RNF6: variants seen among roughly 807,000 people sequenced by gnomAD.
The protein encoded by RNF6 is E3 ubiquitin-protein ligase RNF6.
Under a neutral mutation model 50.1 loss-of-function variants are expected in RNF6, and 21 were observed. That is an observed-to-expected ratio of 0.42 (90% CI 0.30 to 0.60). The LOEUF (loss-of-function observed/expected upper bound fraction) is 0.60. Among genes scored for constraint, RNF6 ranks in the 20% least tolerant of loss-of-function variants. RNF6 has a pLI of 0.20. For missense variants in RNF6, 698 were observed against 838.2 expected, an observed-to-expected ratio of 0.83 and a Z score of 2.07; for synonymous variants, 255 against 291.8, an observed-to-expected ratio of 0.87 and a Z score of 1.29.
In RNF6 at chr13:26,175,409, G is replaced by A. The variant is rs530652276; in HGVS notation, n.768+40065C>T. Among the ~76,000 whole-genome samples the A allele has an allele frequency of 7.6e-4, 116 of 152,166 alleles. 1 individual carries two copies. The highest frequency in any genetic ancestry group is 2.6e-3 in the African/African-American group (109 of 41,540). ...GGTGATTTTTGAGAGGACACCTGAC[G>A]CGAAGAGTAAGAAACTTTCCTCTCC... On this transcript the variant is annotated intron_variant and non_coding_transcript_variant, in intron 5 of 5. Transcript: ENST00000468480.
chr13:26,198,034 T>G (rs1868739857), intron 5 of RNF6, among the ~76,000 whole-genome samples: 1 of 148,028 alleles, frequency 6.8e-6, no homozygotes, highest in African/African-American at 2.5e-5. Flanking sequence ...AATATCAAAA[T>G]TTGTGGATGT....
chr13:26,137,163 T>C (rs542764096), intron 5 of RNF6, among the ~76,000 whole-genome samples: 4 of 152,174 alleles, frequency 2.6e-5, no homozygotes, highest in Admixed American at 6.5e-5. Flanking sequence ...TTAACCTCAC[T>C]AAAGCTTACC....
At chr13:26,211,564 C>T (rs956838381), downstream of RNF6, among the ~76,000 whole-genome samples, 1 of 152,130 alleles carries the variant, frequency 6.6e-6, no homozygotes. Flanking sequence ...CCAGACTAGC[C>T]TGGCCAACAT....
chr13:26,187,735 G>A (rs568235104), intron 5 of RNF6, among the ~76,000 whole-genome samples: 4 of 152,148 alleles, frequency 2.6e-5, no homozygotes, highest in Non-Finnish European at 5.9e-5. Flanking sequence ...TTGATTTTGG[G>A]GGTTTTTTAA....
chr13:26,189,582 G>C (rs926255441), intron 5 of RNF6, among the ~76,000 whole-genome samples: 5 of 152,174 alleles, frequency 3.3e-5, no homozygotes, highest in African/African-American at 1.2e-4. Context: ...AGGAAACTCT[G>C]CCTGTTTTTG....
chr13:26,209,127 G>A (rs1034153894), downstream of RNF6, among the ~76,000 whole-genome samples: 3 of 152,192 alleles, frequency 2.0e-5, no homozygotes, highest in African/African-American at 7.2e-5. Flanking sequence ...TCCCTAGCCT[G>A]CTGTATAGAG....
chr13:26,167,802 T>A (rs1279438143), intron 5 of RNF6, among the ~76,000 whole-genome samples: 1 of 152,182 alleles, frequency 6.6e-6, no homozygotes, highest in Admixed American at 6.5e-5. Flanking sequence ...TCAACCTAAA[T>A]GCCCGTCACT....
chr13:26,211,648 C>T (rs1566435461), downstream of RNF6, among the ~76,000 whole-genome samples: 1 of 152,146 alleles, frequency 6.6e-6, no homozygotes, highest in Non-Finnish European at 1.5e-5. Flanking sequence ...ATCCCTGCTA[C>T]TCCGGAGGCT....
chr13:26,188,489 T>C (rs1873658227), intron 5 of RNF6, among the ~76,000 whole-genome samples: 1 of 152,084 alleles, frequency 6.6e-6, no homozygotes, highest in Non-Finnish European at 1.5e-5. Context: ...AAAACAAATA[T>C]AACCAAAAAT....
intron 5 of RNF6, among the ~76,000 whole-genome samples, chr13:26,207,210 G>A (rs1047685464): frequency 5.3e-5 from 8 of 150,306 alleles, no homozygotes; most frequent in African/African-American, 1.9e-4. Flanking sequence ...GGCCATTTTA[G>A]GAAGAGAGAA....
intron 5 of RNF6, among the ~76,000 whole-genome samples, chr13:26,185,978 C>A (rs985717986): frequency 3.3e-5 from 5 of 152,160 alleles, no homozygotes; most frequent in Non-Finnish European, 5.9e-5. Context: ...AGAGCCATAG[C>A]CCCTCCCACC....
At chr13:26,148,068 C>T (rs1029928200) in intron 5 of RNF6, among the ~76,000 whole-genome samples, 5 of 152,248 alleles carry the variant, frequency 3.3e-5, no homozygotes, top group East Asian at 1.9e-4. Flanking sequence ...GCTGGGGAGG[C>T]CTCAGGAAAC....
Position 26,169,380 on chromosome 13 carries a change from T to C in RNF6, n.769-36929A>G, listed in dbSNP as rs547793299. Among the ~76,000 whole-genome samples, 18 of 152,120 alleles carry C rather than the reference T, an allele frequency of 1.2e-4. No individual in the cohort carries two copies. In the South Asian group the frequency reaches 3.7e-3, roughly 32 times the overall value. ...GCAAGGGGAGATCCACCTGAGAGTG[T>C]CTTGGCTGAAGAACATTAACTCCCT... On this transcript the variant is annotated intron_variant and non_coding_transcript_variant, in intron 5 of 5. Transcript: ENST00000468480.
intron 5 of RNF6, among the ~76,000 whole-genome samples, chr13:26,155,986 T>A (rs1593154382): frequency 1.3e-5 from 2 of 152,266 alleles, no homozygotes; most frequent in East Asian, 3.9e-4. Flanking sequence ...GAGAACAGCA[T>A]GAAAGCCGCT....
At chr13:26,207,370 G>A (rs1218725355) in intron 5 of RNF6, among the ~76,000 whole-genome samples, 6 of 152,156 alleles carry the variant, frequency 3.9e-5, no homozygotes, top group Non-Finnish European at 8.8e-5. Flanking sequence ...GAAATTAACA[G>A]GGACAGCTGA....
chr13:26,137,314 T>TA (rs533597119), intron 5 of RNF6, among the ~76,000 whole-genome samples: 98 of 151,632 alleles, frequency 6.5e-4, no homozygotes, highest in African/African-American at 2.3e-3. Context: ...GCTTTTTTTT[T>TA]AAAGAAAATT....
chr13:26,192,560 A>T (rs1010275647), intron 5 of RNF6, among the ~76,000 whole-genome samples: 4 of 152,208 alleles, frequency 2.6e-5, no homozygotes, highest in Admixed American at 6.5e-5. Context: ...TATCACTTTC[A>T]TGATTAGATT....
At chr13:26,200,236 A>G (rs1445587359) in intron 5 of RNF6, among the ~76,000 whole-genome samples, 7 of 152,196 alleles carry the variant, frequency 4.6e-5, no homozygotes, top group Non-Finnish European at 1.5e-5. Context: ...AATTAAAACC[A>G]TAACATTTCA....
intron 5 of RNF6, among the ~76,000 whole-genome samples, chr13:26,162,515 C>T (rs950693795): frequency 6.6e-6 from 1 of 152,142 alleles, no homozygotes; most frequent in Non-Finnish European, 1.5e-5. Flanking sequence ...TTTTGCTGCA[C>T]CTGACTGATC....
Sources: allele counts gnomAD v4.1 joint callset (sites outside exome capture counted in the v4.1 genomes callset), GRCh38; gene constraint gnomAD v4.1.1; transcripts MANE v1.5; gene names NCBI Gene and HGNC (gene_info 2026-07-23, HGNC 2026-07-21).